GPCPD1: variants seen among roughly 807,000 people sequenced by gnomAD.
The protein encoded by GPCPD1 is glycerophosphocholine phosphodiesterase 1.
GPCPD1 carries 29 observed loss-of-function variants against 89.2 expected under a neutral mutation model. The ratio of observed to expected loss-of-function variants is 0.33; its 90% CI spans 0.24 to 0.44. GPCPD1 has a LOEUF of 0.44. Ranked by LOEUF, GPCPD1 falls within the 20% of genes least tolerant of loss-of-function variation. The pLI is 1.00. For missense variants in GPCPD1, 594 were observed against 808.9 expected, an observed-to-expected ratio of 0.73 and a Z score of 3.22; for synonymous variants, 258 against 266.3, an observed-to-expected ratio of 0.97 and a Z score of 0.30.
At chr20:5,554,975 C>T (rs1312960339) in intron 19 of GPCPD1, among the ~76,000 whole-genome samples, 1 of 152,214 alleles carries the variant, frequency 6.6e-6, no homozygotes, top group East Asian at 1.9e-4. Flanking sequence ...GAAGAAGTCA[C>T]TGCAGATGTG....
chr20:5,578,608 C>T lies in GPCPD1; in HGVS notation c.477G>A (p.Val159=). The change falls in exon 8 of 20, where the codon GTG becomes GTA. Residue 159 remains valine, a synonymous_variant. Coordinates refer to ENST00000379019, the MANE Select transcript of GPCPD1 (RefSeq NM_019593.5). Reference sequence around the variant, plus strand: ...CCTCCAGGCCTTCTAGTGTCAGCTTCACCCTACGTAATAAACAAAATAATG... The same window carrying T: ...CCTCCAGGCCTTCTAGTGTCAGCTTTACCCTACGTAATAAACAAAATAATG... The part of the protein sequence containing the change: ...KKKLKKSRFR[V]KLTLEGLEED... 2 of 1,588,216 alleles carry T rather than the reference C, an allele frequency of 1.3e-6. No homozygotes were observed. Among genetic ancestry groups the T allele is most frequent in the Non-Finnish European group, 1.7e-6 (2 of 1,156,398 alleles).
chr20:5,591,792 G>A (rs1979345508), intron 4 of GPCPD1, among the ~76,000 whole-genome samples: 1 of 152,066 alleles, frequency 6.6e-6, no homozygotes, highest in Non-Finnish European at 1.5e-5. Context: ...CATATGCATG[G>A]GATTTTATGT....
intron 1 of GPCPD1, among the ~76,000 whole-genome samples, chr20:5,609,561 T>G (rs979668357): frequency 6.6e-6 from 1 of 152,238 alleles, no homozygotes; most frequent in Non-Finnish European, 1.5e-5. Context: ...GTATGTTTCA[T>G]ACCTTTTTTC....
chr20:5,586,477 A>G (rs887871793), intron 4 of GPCPD1, among the ~76,000 whole-genome samples: 4 of 152,240 alleles, frequency 2.6e-5, no homozygotes, highest in African/African-American at 9.6e-5. Flanking sequence ...GAGGCAGTAA[A>G]CAAAGAAAAA....
At chr20:5,560,816 C>G (rs1185982812) in intron 16 of GPCPD1, among the ~76,000 whole-genome samples, 1 of 152,216 alleles carries the variant, frequency 6.6e-6, no homozygotes, top group Non-Finnish European at 1.5e-5. Flanking sequence ...ACACCCCACA[C>G]TCTACTACCC....
intron 3 of GPCPD1, among the ~76,000 whole-genome samples, chr20:5,596,396 A>G (rs1979732202): frequency 1.3e-5 from 2 of 151,976 alleles, no homozygotes; most frequent in East Asian, 1.9e-4. Context: ...TGTCTAAAAA[A>G]TTTTAAAAAA....
intron 13 of GPCPD1, among the ~76,000 whole-genome samples, chr20:5,567,191 G>A (rs1395905380): frequency 1.3e-5 from 2 of 152,144 alleles, no homozygotes; most frequent in Non-Finnish European, 2.9e-5. Context: ...CAGAACAGAA[G>A]CAACCTAAAG....
At chr20:5,566,070 A>G (rs1314042352) in intron 14 of GPCPD1, among the ~76,000 whole-genome samples, 2 of 152,172 alleles carry the variant, frequency 1.3e-5, no homozygotes, top group Non-Finnish European at 2.9e-5. Context: ...GGGTGGGGAT[A>G]ATCTTTGGTC....
At chr20:5,599,388 A>G (rs1171968441) in intron 2 of GPCPD1, among the ~76,000 whole-genome samples, 1 of 151,746 alleles carries the variant, frequency 6.6e-6, no homozygotes, top group African/African-American at 2.4e-5. Flanking sequence ...ATTCACTTGA[A>G]CCCAGGAGGC....
At position 5,547,844 on chromosome 20, in the gene GPCPD1, A is replaced by G; in HGVS notation, c.1836T>C (p.Tyr612=). Residue 612 remains tyrosine, a synonymous_variant, in exon 20 of 20, where the codon TAT becomes TAC. Coordinates refer to ENST00000379019, the MANE Select transcript of GPCPD1 (RefSeq NM_019593.5). ...TATTTGGTTGTTCAGGCATCCAATC[A>G]TATATCCTATGATGAAACAAATACA... ...GVNGLIYDRI[Y]DWMPEQPNIF... 5 of 1,576,476 alleles carry G rather than the reference A, an allele frequency of 3.2e-6. No homozygotes were observed. The highest frequency in any genetic ancestry group is 3.5e-6 in the Non-Finnish European group (4 of 1,149,576).
intron 2 of GPCPD1, among the ~76,000 whole-genome samples, chr20:5,603,105 C>A (rs1269711634): frequency 6.6e-6 from 1 of 151,288 alleles, no homozygotes; most frequent in Admixed American, 6.6e-5. Context: ...CCAGACTGGA[C>A]AAGATAGTGA....
At position 5,567,410 on chromosome 20, in the gene GPCPD1, C is replaced by T. The variant is rs1249633757; in HGVS notation, c.1227+73G>A. 3 of 1,481,380 alleles carry T rather than the reference C, an allele frequency of 2.0e-6. No homozygotes were observed. In the African/African-American group the frequency reaches 4.3e-5, roughly 21 times the overall value. The allele number at this position is 1,481,380 out of a possible 1,614,324, so 91.8% of individuals were successfully genotyped here. A position where few individuals can be genotyped will look rare whatever the true frequency, so the allele number is the denominator to read the frequency against. On this transcript the variant is annotated intron_variant, in intron 13 of 19. Coordinates refer to ENST00000379019, the MANE Select transcript of GPCPD1 (RefSeq NM_019593.5). ...CAGTCATCCCCATGTGCAAAGAGAA[C>T]ATAACCATATACAAGCAAGTACAAT...
intron 17 of GPCPD1, 123 bp from the exon 18 acceptor site, chr20:5,558,942 C>T: frequency 2.9e-6 from 2 of 678,054 alleles, no homozygotes; most frequent in Non-Finnish European, 2.4e-6. Context: ...GTGGCTCACA[C>T]CTGTAATCCC....
chr20:5,600,471 T>G (rs527847675), intron 2 of GPCPD1, among the ~76,000 whole-genome samples: 1 of 152,246 alleles, frequency 6.6e-6, no homozygotes, highest in African/African-American at 2.4e-5. Context: ...GGTGGATCAC[T>G]TGAGGTCAGG....
intron 15 of GPCPD1, among the ~76,000 whole-genome samples, 170 bp from the exon 16 acceptor site, chr20:5,561,700 T>C (rs1328626363): frequency 6.6e-6 from 1 of 152,254 alleles, no homozygotes; most frequent in East Asian, 1.9e-4. Context: ...AGTGACAACC[T>C]GGTAGATGAT....
At chr20:5,554,093 C>T (rs968508854) in intron 19 of GPCPD1, among the ~76,000 whole-genome samples, 1 of 135,680 alleles carries the variant, frequency 7.4e-6, no homozygotes, top group Non-Finnish European at 1.6e-5. Context: ...CTCAGCCTCC[C>T]GAGTAGCTGG....
chr20:5,547,889 A>C, intron 19 of GPCPD1, 39 bp from the exon 20 acceptor site: 1 of 1,159,866 alleles, frequency 8.6e-7, no homozygotes, highest in Non-Finnish European at 1.2e-6. Context: ...AAATACTGTA[A>C]TTTTATGGTT....
intron 8 of GPCPD1, among the ~76,000 whole-genome samples, chr20:5,578,049 G>A (rs79941100): frequency 0.039 from 5,953 of 152,260 alleles, 161 homozygotes; most frequent in Non-Finnish European, 0.062. Flanking sequence ...ACATCGGGAT[G>A]CCCGCCAAGA....
chr20:5,576,932 C>T (rs1216554387), intron 8 of GPCPD1, among the ~76,000 whole-genome samples: 6 of 151,972 alleles, frequency 3.9e-5, no homozygotes, highest in Non-Finnish European at 8.8e-5. Flanking sequence ...AGGCCAGGAG[C>T]AGAGGCTCAC....
Sources: allele counts gnomAD v4.1 joint callset (sites outside exome capture counted in the v4.1 genomes callset), GRCh38; gene constraint gnomAD v4.1.1; transcripts MANE v1.5; gene names NCBI Gene and HGNC (gene_info 2026-07-23, HGNC 2026-07-21).